ARL6: variants seen among roughly 807,000 people sequenced by gnomAD.
ARL6 encodes the protein ARF like GTPase 6, also known as ADP-ribosylation factor-like protein 6.
In ARL6, 18 loss-of-function variants were observed where a neutral mutation model predicts 27.1. The ratio of observed to expected loss-of-function variants is 0.66; its 90% CI spans 0.46 to 0.98. The LOEUF is 0.98. Among genes scored for constraint, ARL6 ranks in the 50% least tolerant of loss-of-function variants. ARL6 has a pLI of 0.00. For missense variants in ARL6, 187 were observed against 214.9 expected, an observed-to-expected ratio of 0.87 and a Z score of 0.81; for synonymous variants, 65 against 72.3, an observed-to-expected ratio of 0.90 and a Z score of 0.51.
At chr3:97,791,474 A>G (rs1223808749) in intron 6 of ARL6, 1 of 367,018 alleles carries the variant, frequency 2.7e-6, no homozygotes, top group Non-Finnish European at 5.0e-6. Flanking sequence ...TGGGCTGTAC[A>G]AAACTTTTCT....
intron 2 of ARL6, among the ~76,000 whole-genome samples, chr3:97,774,420 A>G (rs1418196460): frequency 2.0e-5 from 3 of 152,090 alleles, no homozygotes; most frequent in South Asian, 4.2e-4. Context: ...CAACTGCCTC[A>G]GGGGAGGCCA....
At position 97,780,670 on chromosome 3, in the gene ARL6, G is replaced by A. The variant is rs1332934100; in HGVS notation, c.241G>A (p.Glu81Lys). The A allele has an allele frequency of 6.2e-7, 1 of 1,611,200 alleles. No individual in the cohort carries two copies. The change falls in exon 4 of 8, where the codon GAA becomes AAA. Residue 81 changes from glutamate (E) to lysine (K), a missense_variant. By Grantham distance (56) the Glu-to-Lys change is moderately conservative. Transcript: ENST00000463745. ...SGQGRYRNLW[E>K]HYYKEGQAII... ...TCAAGGAAGATACAGAAATCTCTGGGAACACTATTATAAGTAAGTACATCT... is the reference window on the plus strand; with the variant it reads ...TCAAGGAAGATACAGAAATCTCTGGAAACACTATTATAAGTAAGTACATCT...
Position 97,800,250 on chromosome 3 carries a change from G to C in ARL6, c.*2201G>C, listed in dbSNP as rs2038195224. 1 of 152,124 alleles carries C rather than the reference G, an allele frequency of 6.6e-6. No homozygotes were observed. The highest frequency in any genetic ancestry group is 2.4e-5 in the African/African-American group (1 of 41,438). The allele number at this position is 152,124 out of a possible 1,614,324, so 9.4% of individuals were successfully genotyped here. ...TCCCTACTCCACATTTTCATGTAAAGATTATGTAGAAGTTGGGCAACAGTG... is the reference window on the plus strand; with the variant it reads ...TCCCTACTCCACATTTTCATGTAAACATTATGTAGAAGTTGGGCAACAGTG... On this transcript the variant is annotated 3_prime_UTR_variant, in exon 8 of 8. Transcript: ENST00000463745.
chr3:97,793,280 G>A (rs926514367), intron 7 of ARL6: 7 of 152,100 alleles, frequency 4.6e-5, no homozygotes, highest in Admixed American at 2.6e-4. Flanking sequence ...GAAGAACTAC[G>A]GGATTTTTCT....
At chr3:97,783,690 T>C (rs2037310933) in intron 4 of ARL6, among the ~76,000 whole-genome samples, 1 of 151,842 alleles carries the variant, frequency 6.6e-6, no homozygotes, top group African/African-American at 2.4e-5. Context: ...GAGAAAATGG[T>C]ATATAAAAAG....
intron 4 of ARL6, among the ~76,000 whole-genome samples, chr3:97,783,018 G>C (rs1172311002): frequency 6.7e-6 from 1 of 149,988 alleles, no homozygotes; most frequent in African/African-American, 2.4e-5. Flanking sequence ...TTGGTGAAGA[G>C]AGACATTTAC....
intron 5 of ARL6, 21 bp downstream of exon 5, chr3:97,785,070 C>G: frequency 6.3e-7 from 1 of 1,580,742 alleles, no homozygotes; most frequent in Non-Finnish European, 8.7e-7. Context: ...GTCTTTCAGT[C>G]TGTATCTGTT....
At chr3:97,769,097 A>G (rs1277988731) in intron 2 of ARL6, among the ~76,000 whole-genome samples, 1 of 152,136 alleles carries the variant, frequency 6.6e-6, no homozygotes, top group East Asian at 1.9e-4. Context: ...TGCCTTGCAA[A>G]AAAATAGTGC....
At chr3:97,785,791 T>G (rs942925680) in intron 5 of ARL6, among the ~76,000 whole-genome samples, 3 of 152,152 alleles carry the variant, frequency 2.0e-5, no homozygotes, top group Non-Finnish European at 4.4e-5. Context: ...CAGTAAGTAT[T>G]GTGGAACTCT....
At position 97,798,946 on chromosome 3, in the gene ARL6, AAATT is replaced by A. The variant is rs1412621780; in HGVS notation, c.*898_*901del. On this transcript the variant is annotated 3_prime_UTR_variant, in exon 8 of 8. Coordinates refer to ENST00000463745, the MANE Select transcript of ARL6 (RefSeq NM_001278293.3). The stretch of plus-strand genomic sequence containing the variant: ...ATTTACCATAGCACTTTGTTAAAAT[AAATT>A]GTGACTTTTAACTTTTTCATGAACA... The A allele has an allele frequency of 2.0e-5, 3 of 152,118 alleles. No individual in the cohort carries two copies. Among genetic ancestry groups the A allele is most frequent in the African/African-American group, 7.2e-5 (3 of 41,472 alleles). The allele number at this position is 152,118 out of a possible 1,614,324, so 9.4% of individuals were successfully genotyped here.
intron 6 of ARL6, chr3:97,791,409 G>A: frequency 5.2e-6 from 1 of 191,614 alleles, no homozygotes; most frequent in Non-Finnish European, 1.1e-5. Context: ...TATAACTCAA[G>A]TCAAGCATTT....
intron 1 of ARL6, among the ~76,000 whole-genome samples, chr3:97,767,658 G>C (rs2036448055): frequency 6.6e-6 from 1 of 152,124 alleles, no homozygotes; most frequent in Non-Finnish European, 1.5e-5. Context: ...CTGCTTTTCA[G>C]ATCTGCCTTC....
chr3:97,782,034 C>G (rs371047630), intron 4 of ARL6, among the ~76,000 whole-genome samples: 2 of 151,634 alleles, frequency 1.3e-5, no homozygotes, highest in South Asian at 2.1e-4. Flanking sequence ...ATCGTAGGTC[C>G]AGAAGACTTC....
Position 97,798,140 on chromosome 3 carries a change from CA to C in ARL6, c.*97del, listed in dbSNP as rs1559697615. ...CATTTTGTAAAAGATGTTTATGCAT[CA>C]AAAAATATAATTTTCTGCTTGCATT... is the stretch of plus-strand genomic sequence containing the variant. On this transcript the variant is annotated 3_prime_UTR_variant, in exon 8 of 8. Transcript: ENST00000463745. 9.2e-6 allele frequency: 12 copies of C among 1,305,720 alleles called. No homozygotes were observed. The highest frequency in any genetic ancestry group is 2.5e-5 in the South Asian group (2 of 81,466). 80.9% of individuals were successfully genotyped at this position (1,305,720 alleles called of 1,614,324 possible).
chr3:97,796,138 G>T (rs944578317), intron 7 of ARL6, among the ~76,000 whole-genome samples: 2 of 152,166 alleles, frequency 1.3e-5, no homozygotes, highest in African/African-American at 4.8e-5. Flanking sequence ...TGAACAGATG[G>T]CAAAGGATGA....
chr3:97,784,901 A>G lies in ARL6; in HGVS notation c.255-54A>G, dbSNP rs1474349894. 3.8e-6 allele frequency: 5 copies of G among 1,327,372 alleles called. No individual in the cohort carries two copies. In the African/African-American group the frequency reaches 5.8e-5, roughly 15 times the overall value. 82.2% of individuals were successfully genotyped at this position (1,327,372 alleles called of 1,614,324 possible). A position where few individuals can be genotyped will look rare whatever the true frequency, so the allele number is the denominator to read the frequency against. On this transcript the variant is annotated intron_variant, in intron 4 of 7. Transcript: ENST00000463745. ...TAGGAAATGCCCATGGATAATAAAC[A>G]TGGAAAAATTTATAAGTAAAGCTTT... is the stretch of plus-strand genomic sequence containing the variant.
intron 2 of ARL6, among the ~76,000 whole-genome samples, chr3:97,770,047 C>T (rs1488177656): frequency 6.6e-6 from 1 of 151,904 alleles, no homozygotes; most frequent in Non-Finnish European, 1.5e-5. Flanking sequence ...TGGATATATT[C>T]CCACAGTGGG....
intron 5 of ARL6, among the ~76,000 whole-genome samples, chr3:97,786,605 G>T (rs1403012279): frequency 6.6e-6 from 1 of 152,082 alleles, no homozygotes; most frequent in Non-Finnish European, 1.5e-5. Context: ...AAGTGTATAT[G>T]AACTTTTTAA....
intron 2 of ARL6, among the ~76,000 whole-genome samples, chr3:97,768,843 G>C (rs1319338575): frequency 2.6e-5 from 4 of 152,056 alleles, no homozygotes; most frequent in African/African-American, 9.6e-5. Flanking sequence ...AGAGAAAAGT[G>C]ATTGGCTTTG....
Sources: allele counts gnomAD v4.1 joint callset (sites outside exome capture counted in the v4.1 genomes callset), GRCh38; gene constraint gnomAD v4.1.1; transcripts MANE v1.5; gene names NCBI Gene and HGNC (gene_info 2026-07-23, HGNC 2026-07-21).